The following CATSPERE variants were observed in gnomAD, a reference collection of about 807,000 sequenced individuals.
CATSPERE encodes the protein cation channel sperm-associated auxiliary subunit epsilon.
A neutral mutation model predicts 114.1 loss-of-function variants in CATSPERE; 93 were observed. That is an observed-to-expected ratio of 0.81 (90% confidence interval 0.69 to 0.97). CATSPERE has a LOEUF of 0.97. CATSPERE is among the 50% of genes least tolerant of loss of function. CATSPERE has a pLI of 0.00. For synonymous variants in CATSPERE, 341 were observed against 384.1 expected, an observed-to-expected ratio of 0.89 and a Z score of 1.31; for missense variants, 1,058 against 1,131.6, an observed-to-expected ratio of 0.93 and a Z score of 0.93.
intron 10 of CATSPERE, 131 bp from the exon 11 acceptor site, chr1:244,572,199 A>T: frequency 1.6e-6 from 1 of 629,948 alleles, no homozygotes; most frequent in South Asian, 2.0e-5. Flanking sequence ...ATATCTGCAC[A>T]TTCTAACTTT....
At chr1:244,480,926 C>T (rs992092318) in intron 5 of CATSPERE, among the ~76,000 whole-genome samples, 2 of 152,174 alleles carry the variant, frequency 1.3e-5, no homozygotes, top group African/African-American at 4.8e-5. Flanking sequence ...CCAGCTTTTC[C>T]TCTATGGGTT....
chr1:244,602,765 CAG>C (rs1190123456), intron 17 of CATSPERE, among the ~76,000 whole-genome samples: 1 of 152,148 alleles, frequency 6.6e-6, no homozygotes, highest in Non-Finnish European at 1.5e-5. Flanking sequence ...AGTTCAGGAA[CAG>C]ATATTCTGGG....
Position 244,534,391 on chromosome 1 carries a change from AACTC to A in CATSPERE, c.536+15694_536+15697del, listed in dbSNP as rs779496187. ...TCTCTACCTCCTCTTTTAGGCCCAT[AACTC>A]TTAGATTTGCCCCGTTGAGGCTGTT... On this transcript the variant is annotated intron_variant, in intron 8 of 21. Transcript: ENST00000366534. Among the ~76,000 whole-genome samples, 8 of 152,152 alleles carry A rather than the reference AACTC, an allele frequency of 5.3e-5. No individual in the cohort carries two copies. The East Asian group carries it at 9.7e-4, about 18-fold the overall frequency.
upstream of CATSPERE, among the ~76,000 whole-genome samples, chr1:244,460,050 G>A (rs1045158546): frequency 6.6e-6 from 1 of 152,234 alleles, no homozygotes; most frequent in African/African-American, 2.4e-5. Flanking sequence ...CAGTGAAAGA[G>A]ATCTAACTGA....
At chr1:244,527,023 A>G (rs1369616949) in intron 8 of CATSPERE, among the ~76,000 whole-genome samples, 3 of 152,156 alleles carry the variant, frequency 2.0e-5, no homozygotes, top group East Asian at 1.9e-4. Context: ...CACAAGGCAA[A>G]TGGAGGCAGA....
intron 6 of CATSPERE, among the ~76,000 whole-genome samples, chr1:244,498,636 G>A (rs913505777): frequency 6.6e-6 from 1 of 152,172 alleles, no homozygotes; most frequent in Admixed American, 6.5e-5. Context: ...GGTGGCTCAC[G>A]CCTGTAATCG....
At chr1:244,521,603 C>T (rs1267667885) in intron 8 of CATSPERE, among the ~76,000 whole-genome samples, 3 of 151,930 alleles carry the variant, frequency 2.0e-5, no homozygotes. Flanking sequence ...ATTTTTTTAA[C>T]CTCATATTGT....
At chr1:244,580,170 G>A (rs1285523651) in intron 11 of CATSPERE, among the ~76,000 whole-genome samples, 2 of 150,368 alleles carry the variant, frequency 1.3e-5, no homozygotes. Context: ...CCGAGTAATT[G>A]GGATTACAGG....
chr1:244,499,524 T>C (rs1480672081), intron 7 of CATSPERE, among the ~76,000 whole-genome samples: 1 of 123,994 alleles, frequency 8.1e-6, no homozygotes, highest in Non-Finnish European at 1.6e-5. Context: ...CCATGGTGTG[T>C]GATGTTCCCC....
intron 7 of CATSPERE, among the ~76,000 whole-genome samples, chr1:244,516,510 G>T (rs1676648301): frequency 6.6e-6 from 1 of 151,512 alleles, no homozygotes; most frequent in African/African-American, 2.4e-5. Flanking sequence ...ACCGTGCCAT[G>T]CTAAAAGGGT....
At chr1:244,540,160 C>A (rs1328159390) in intron 8 of CATSPERE, among the ~76,000 whole-genome samples, 3 of 150,734 alleles carry the variant, frequency 2.0e-5, no homozygotes, top group East Asian at 3.9e-4. Flanking sequence ...CTGGCCAGGG[C>A]AATTAGGCAG....
At chr1:244,490,409 G>C in intron 5 of CATSPERE, 38 bp from the exon 6 acceptor site, 1 of 1,431,238 alleles carries the variant, frequency 7.0e-7, no homozygotes, top group Non-Finnish European at 9.8e-7. Context: ...TGTTTAACAG[G>C]CTGTTTACTA....
chr1:244,561,288 A>G, intron 10 of CATSPERE, 143 bp downstream of exon 10: 1 of 642,938 alleles, frequency 1.6e-6, no homozygotes, highest in Admixed American at 2.7e-5. Flanking sequence ...AAATGAATTG[A>G]CTTTAAATAC....
intron 6 of CATSPERE, among the ~76,000 whole-genome samples, chr1:244,490,698 G>C (rs1378356769): frequency 6.6e-6 from 1 of 151,854 alleles, no homozygotes; most frequent in Non-Finnish European, 1.5e-5. Flanking sequence ...CTTCTACCGA[G>C]ATAATATTCA....
intron 8 of CATSPERE, among the ~76,000 whole-genome samples, chr1:244,540,233 C>T (rs368652105): frequency 2.0e-4 from 30 of 150,954 alleles, no homozygotes; most frequent in Non-Finnish European, 2.1e-4. Context: ...TGTTTGCAGA[C>T]GACATGATTG....
At chr1:244,487,295 G>A (rs908838431) in intron 5 of CATSPERE, among the ~76,000 whole-genome samples, 2 of 152,116 alleles carry the variant, frequency 1.3e-5, no homozygotes, top group Non-Finnish European at 2.9e-5. Context: ...CTAGTCACCT[G>A]GTGGGTGGTT....
At position 244,581,802 on chromosome 1, in the gene CATSPERE, A is replaced by G; in HGVS notation, c.1957A>G (p.Thr653Ala). The change falls in exon 12 of 22, where the codon ACA (threonine) becomes GCA (alanine). Residue 653 changes from threonine to alanine, a missense_variant. Thr to Ala is a moderately conservative substitution (Grantham distance 58, BLOSUM62 0). Coordinates refer to ENST00000366534, the MANE Select transcript of CATSPERE (RefSeq NM_001130957.2). ...FGYCTKTLTL[T>A]FYQNVDYERI... ...TTAAATTTTCTTTTTTCAGACACTA[A>G]CATTTTATCAGAATGTAGATTATGA... 1 of 1,327,402 alleles carries G rather than the reference A, an allele frequency of 7.5e-7. No homozygotes were observed. The highest frequency in any genetic ancestry group is 1.1e-6 in the Non-Finnish European group (1 of 948,112). 82.2% of individuals were successfully genotyped at this position (1,327,402 alleles called of 1,614,324 possible).
intron 7 of CATSPERE, among the ~76,000 whole-genome samples, chr1:244,502,067 G>A (rs2148289691): frequency 6.6e-6 from 1 of 152,068 alleles, no homozygotes; most frequent in South Asian, 2.1e-4. Flanking sequence ...CAAGATATCT[G>A]CCATAACCGA....
At chr1:244,473,203 TG>T (rs138502424) in intron 2 of CATSPERE, among the ~76,000 whole-genome samples, 1,663 of 152,320 alleles carry the variant, frequency 0.011, 41 homozygotes, top group African/African-American at 0.038. Flanking sequence ...CCAAGATGGC[TG>T]TACCGTTCTA....
Sources: allele counts gnomAD v4.1 joint callset (sites outside exome capture counted in the v4.1 genomes callset), GRCh38; gene constraint gnomAD v4.1.1; transcripts MANE v1.5; gene names NCBI Gene and HGNC (gene_info 2026-07-23, HGNC 2026-07-21).